Variants in ZNF782 observed in about 807,000 individuals in gnomAD.
ZNF782 encodes zinc finger protein 782.
A neutral mutation model predicts 13.0 loss-of-function variants in ZNF782; 12 were observed. That is an observed-to-expected ratio of 0.92 (90% CI 0.59 to 1.50). ZNF782 has a LOEUF of 1.50. ZNF782 is among the 40% of genes most tolerant of loss of function. ZNF782 has a pLI of 0.00. For synonymous variants in ZNF782, 284 were observed against 283.0 expected (o/e 1.00, Z -0.04); for missense variants, 770 against 822.9 (o/e 0.94, Z 0.79).
intron 4 of ZNF782, among the ~76,000 whole-genome samples, chr9:96,834,456 G>T (rs766174292): frequency 6.6e-6 from 1 of 152,136 alleles, no homozygotes; most frequent in Non-Finnish European, 1.5e-5. Context: ...CATAAGAATG[G>T]ACTAATACAC....
At chr9:96,933,759 A>G in the ZNF782 span, 1 of 152,994 alleles carries the variant, frequency 6.5e-6, no homozygotes, top group Non-Finnish European at 1.5e-5. Flanking sequence ...GGCTGGGGGG[A>G]GGAGCTGCAG....
intron 1 of ZNF782, among the ~76,000 whole-genome samples, chr9:96,864,301 T>C (rs1404639385): frequency 6.6e-6 from 1 of 151,916 alleles, no homozygotes; most frequent in Non-Finnish European, 1.5e-5. Context: ...ATAAACATGA[T>C]GATTCTATAA....
At chr9:96,897,661 T>C in the ZNF782 span, among the ~76,000 whole-genome samples, 1 of 151,086 alleles carries the variant, frequency 6.6e-6, no homozygotes, top group South Asian at 2.1e-4. Context: ...AGGAGGCCCC[T>C]GAATATGTGC....
At chr9:96,912,671 G>A in the ZNF782 span, among the ~76,000 whole-genome samples, 4 of 151,560 alleles carry the variant, frequency 2.6e-5, no homozygotes, top group South Asian at 8.3e-4. Context: ...TGGAATTACA[G>A]GCGTATGCCA....
the ZNF782 span, among the ~76,000 whole-genome samples, chr9:96,926,996 C>T: frequency 2.0e-5 from 3 of 152,170 alleles, no homozygotes; most frequent in African/African-American, 4.8e-5. Flanking sequence ...CACTCCTCAT[C>T]TCCTTTGGCC....
At chr9:96,867,976 TTAAC>T (rs758419848) in intron 1 of ZNF782, among the ~76,000 whole-genome samples, 14 of 152,226 alleles carry the variant, frequency 9.2e-5, no homozygotes, top group Non-Finnish European at 2.1e-4. Context: ...AAAAATTTTA[TTAAC>T]TGACTTAACA....
chr9:96,820,149 T>TGAAGTA (rs1246955281), intron 5 of ZNF782, among the ~76,000 whole-genome samples: 1 of 152,086 alleles, frequency 6.6e-6, no homozygotes, highest in East Asian at 1.9e-4. Context: ...ATTACCAACA[T>TGAAGTA]GAAGTAGATA....
At chr9:96,919,936 A>C in the ZNF782 span, among the ~76,000 whole-genome samples, 1 of 151,590 alleles carries the variant, frequency 6.6e-6, no homozygotes, top group Non-Finnish European at 1.5e-5. Context: ...TTTTCTACTG[A>C]ATGTTGGGGG....
intron 5 of ZNF782, among the ~76,000 whole-genome samples, chr9:96,826,818 C>T (rs1850637389): frequency 1.3e-5 from 2 of 152,170 alleles, no homozygotes; most frequent in African/African-American, 4.8e-5. Context: ...AAACCCTGGG[C>T]ACCAGTTCTG....
At chr9:96,875,998 C>A (rs1304758683), upstream of ZNF782, among the ~76,000 whole-genome samples, 1 of 152,212 alleles carries the variant, frequency 6.6e-6, no homozygotes, top group Non-Finnish European at 1.5e-5. Context: ...TACTTCGCAG[C>A]GTTTTCTCTA....
chr9:96,862,347 G>T (rs935409068), intron 1 of ZNF782, among the ~76,000 whole-genome samples: 1 of 152,126 alleles, frequency 6.6e-6, no homozygotes, highest in Admixed American at 6.5e-5. Flanking sequence ...TTATTTAATC[G>T]TACATTTTAT....
At chr9:96,885,237 A>T in the ZNF782 span, among the ~76,000 whole-genome samples, 1 of 151,930 alleles carries the variant, frequency 6.6e-6, no homozygotes, top group Non-Finnish European at 1.5e-5. Flanking sequence ...ATGCTTCAAC[A>T]AGCAATTGCG....
the ZNF782 span, among the ~76,000 whole-genome samples, chr9:96,882,798 T>C: frequency 1.3e-5 from 2 of 152,254 alleles, no homozygotes; most frequent in African/African-American, 2.4e-5. Context: ...AAAAAGTACA[T>C]CTTGTCCTTG....
At chr9:96,853,895 A>G (rs1331333273) in intron 1 of ZNF782, among the ~76,000 whole-genome samples, 193 bp downstream of exon 1, 2 of 152,230 alleles carry the variant, frequency 1.3e-5, no homozygotes, top group Non-Finnish European at 2.9e-5. Context: ...TGTCTTCTAA[A>G]TATAACAGCA....
the ZNF782 span, among the ~76,000 whole-genome samples, chr9:96,919,738 A>AT: frequency 6.7e-6 from 1 of 149,758 alleles, no homozygotes; most frequent in African/African-American, 2.4e-5. Context: ...TAATTTTTAT[A>AT]TTTTTTGTAG....
chr9:96,818,630 G>T lies in ZNF782; in HGVS notation c.1393C>A (p.Leu465Ile). 2.5e-6 allele frequency: 4 copies of T among 1,613,552 alleles called. No homozygotes were observed. Among genetic ancestry groups the T allele is most frequent in the Non-Finnish European group, 3.4e-6 (4 of 1,179,894 alleles). ...GTGTGAGTTCTCTGATGCACTATGA[G>T]GATTGACTTATAGTTAAAAGATTTC... ...CGKSFNYKSI[L>I]IVHQRTHTGE... Residue 465 changes from leucine to isoleucine, a missense_variant, in exon 6 of 6, where the codon CTC becomes ATC. Leu to Ile is a conservative substitution (Grantham distance 5). Transcript: ENST00000481138.
At chr9:96,844,571 G>T (rs889385466) in intron 4 of ZNF782, among the ~76,000 whole-genome samples, 2 of 152,122 alleles carry the variant, frequency 1.3e-5, no homozygotes, top group Non-Finnish European at 2.9e-5. Context: ...GTTGCCAGGG[G>T]TTGTGGAGGA....
At chr9:96,920,886 G>A in the ZNF782 span, among the ~76,000 whole-genome samples, 522 of 145,718 alleles carry the variant, frequency 3.6e-3, 5 homozygotes, top group African/African-American at 0.014. Flanking sequence ...CTGCACTCCA[G>A]CCCAGGCAAC....
the ZNF782 span, among the ~76,000 whole-genome samples, chr9:96,932,830 G>A: frequency 1.3e-5 from 2 of 150,952 alleles, no homozygotes; most frequent in African/African-American, 2.4e-5. Context: ...TTTTGTATTC[G>A]TAGAGATGGG....
Sources: allele counts gnomAD v4.1 joint callset (sites outside exome capture counted in the v4.1 genomes callset), GRCh38; gene constraint gnomAD v4.1.1; transcripts MANE v1.5; gene names NCBI Gene and HGNC (gene_info 2026-07-23, HGNC 2026-07-21).